The following SLC10A7 variants were observed in gnomAD, a reference collection of about 807,000 sequenced individuals.
SLC10A7 encodes solute carrier family 10 member 7.
SLC10A7 carries 29 observed loss-of-function variants against 43.2 expected under a neutral mutation model. That is an observed-to-expected ratio of 0.67 (90% CI 0.50 to 0.92). The LOEUF is 0.92. Among genes scored for constraint, SLC10A7 ranks in the 40% least tolerant of loss-of-function variants. The pLI is 0.00. For missense variants in SLC10A7, 295 were observed against 403.2 expected, an observed-to-expected ratio of 0.73 and a Z score of 2.30; for synonymous variants, 152 against 144.8, an observed-to-expected ratio of 1.05 and a Z score of -0.35.
At chr4:146,311,251 A>G (rs1053032804) in intron 6 of SLC10A7, among the ~76,000 whole-genome samples, 1 of 152,154 alleles carries the variant, frequency 6.6e-6, no homozygotes, top group Non-Finnish European at 1.5e-5. Flanking sequence ...GTAAAATAAT[A>G]TGGGGCAAAC....
intron 5 of SLC10A7, among the ~76,000 whole-genome samples, chr4:146,414,252 C>T (rs1728408974): frequency 6.6e-6 from 1 of 152,092 alleles, no homozygotes; most frequent in Non-Finnish European, 1.5e-5. Flanking sequence ...GATAAATAAG[C>T]GTTAAATAAA....
rs1004027647 is a variant in SLC10A7 at position 146,365,971 on chromosome 4, G to A, written c.436-39975C>T. ...CAGCTGCAGCATTACATTCTCATAG[G>A]AGCACAAACCCTCTTGTGAACTGCA... On this transcript the variant is annotated intron_variant, in intron 5 of 11. Transcript: ENST00000335472. Among the ~76,000 whole-genome samples the A allele has an allele frequency of 2.0e-5, 3 of 152,196 alleles. No homozygotes were observed. The South Asian group carries it at 6.2e-4, about 32-fold the overall frequency.
intron 5 of SLC10A7, among the ~76,000 whole-genome samples, chr4:146,360,580 A>G (rs906896575): frequency 6.6e-6 from 1 of 152,056 alleles, no homozygotes; most frequent in African/African-American, 2.4e-5. Flanking sequence ...AGCTGGAAAC[A>G]CAGGCAGGCA....
intron 5 of SLC10A7, among the ~76,000 whole-genome samples, chr4:146,347,496 T>C (rs1458859426): frequency 1.3e-5 from 2 of 152,204 alleles, no homozygotes; most frequent in Non-Finnish European, 2.9e-5. Context: ...TGCTGCTAAG[T>C]TGAGACATGG....
intron 10 of SLC10A7, among the ~76,000 whole-genome samples, chr4:146,266,185 C>T (rs1454635047): frequency 6.6e-6 from 1 of 152,180 alleles, no homozygotes; most frequent in African/African-American, 2.4e-5. Context: ...TAGTTAGAAA[C>T]ATCCATAAGT....
intron 1 of SLC10A7, among the ~76,000 whole-genome samples, chr4:146,521,081 T>C (rs1388168213): frequency 6.6e-6 from 1 of 151,888 alleles, no homozygotes; most frequent in Admixed American, 6.6e-5. Flanking sequence ...AATCAAAGAG[T>C]GCAACGTGTC....
intron 4 of SLC10A7, among the ~76,000 whole-genome samples, chr4:146,473,886 T>G (rs1315387437): frequency 6.6e-6 from 1 of 152,114 alleles, no homozygotes; most frequent in Non-Finnish European, 1.5e-5. Flanking sequence ...TTTATATACA[T>G]TCTAATAATT....
intron 4 of SLC10A7, among the ~76,000 whole-genome samples, chr4:146,499,383 T>G (rs1560969041): frequency 6.6e-6 from 1 of 152,212 alleles, no homozygotes; most frequent in African/African-American, 2.4e-5. Context: ...GGGCCCAGCT[T>G]GTGGACCTTT....
chr4:146,409,373 A>G (rs1727978031), intron 5 of SLC10A7, among the ~76,000 whole-genome samples: 1 of 150,690 alleles, frequency 6.6e-6, no homozygotes, highest in African/African-American at 2.4e-5. Flanking sequence ...TCAAAAAAGT[A>G]CATATTGTAT....
At chr4:146,349,913 C>A (rs916791755) in intron 5 of SLC10A7, among the ~76,000 whole-genome samples, 1 of 152,088 alleles carries the variant, frequency 6.6e-6, no homozygotes, top group Non-Finnish European at 1.5e-5. Flanking sequence ...TGAGATCATT[C>A]ATATCCCAAA....
At chr4:146,367,126 G>C (rs1017288278) in intron 5 of SLC10A7, among the ~76,000 whole-genome samples, 3 of 152,036 alleles carry the variant, frequency 2.0e-5, no homozygotes, top group Non-Finnish European at 4.4e-5. Context: ...TATCATAACA[G>C]TAAGATATCA....
intron 5 of SLC10A7, among the ~76,000 whole-genome samples, chr4:146,349,827 G>A (rs796420129): frequency 2.0e-5 from 3 of 152,178 alleles, no homozygotes; most frequent in African/African-American, 7.2e-5. Flanking sequence ...AGACACTGGG[G>A]ACTAATAGAG....
chr4:146,381,814 A>G (rs1737642579), intron 5 of SLC10A7, among the ~76,000 whole-genome samples: 5 of 152,060 alleles, frequency 3.3e-5, no homozygotes, highest in Non-Finnish European at 7.4e-5. Context: ...AGCCAGCCAT[A>G]TTATCAATCA....
intron 5 of SLC10A7, among the ~76,000 whole-genome samples, chr4:146,387,847 C>A (rs887187641): frequency 1.3e-4 from 20 of 151,960 alleles, no homozygotes; most frequent in African/African-American, 4.8e-4. Flanking sequence ...CAAAAAAATA[C>A]CTAGGGATAC....
At chr4:146,371,768 G>A (rs1346252729) in intron 5 of SLC10A7, among the ~76,000 whole-genome samples, 1 of 152,118 alleles carries the variant, frequency 6.6e-6, no homozygotes, top group Non-Finnish European at 1.5e-5. Context: ...TTTTTAATAT[G>A]TATAAAAACA....
chr4:146,329,122 G>A (rs544750913), intron 5 of SLC10A7, among the ~76,000 whole-genome samples: 4 of 152,290 alleles, frequency 2.6e-5, no homozygotes, highest in Non-Finnish European at 1.5e-5. Flanking sequence ...CTCTTCCAAG[G>A]ACTTATAACA....
intron 5 of SLC10A7, among the ~76,000 whole-genome samples, chr4:146,394,543 G>A (rs1039812808): frequency 6.6e-6 from 1 of 151,988 alleles, no homozygotes; most frequent in Admixed American, 6.6e-5. Flanking sequence ...TTGTATTTTA[G>A]TAGAGATGGG....
rs188179553 is a variant in SLC10A7 at position 146,268,423 on chromosome 4, A to G, written c.848-9586T>C. Among the ~76,000 whole-genome samples, 5 of 152,318 alleles carry G rather than the reference A, an allele frequency of 3.3e-5. No individual in the cohort carries two copies. The East Asian group carries it at 5.8e-4, about 18-fold the overall frequency. On this transcript the variant is annotated intron_variant, in intron 10 of 11. Transcript: ENST00000335472. ...AAAAGAAAGGAACGATCTTTCCAGT[A>G]ATCTAAGACCTTTAGAAAAAAGAGA...
intron 5 of SLC10A7, among the ~76,000 whole-genome samples, chr4:146,349,956 T>G (rs551843527): frequency 5.9e-5 from 9 of 152,038 alleles, no homozygotes; most frequent in African/African-American, 2.2e-4. Flanking sequence ...CTAGTAACAG[T>G]CCTGTACATG....
Sources: gnomAD v4.1 joint callset for allele counts (sites outside exome capture counted in the v4.1 genomes callset) on GRCh38, gnomAD v4.1.1 for gene constraint, MANE v1.5 for transcripts, NCBI Gene and HGNC (gene_info 2026-07-23, HGNC 2026-07-21) for gene names.